DZIP1L: variants seen among roughly 807,000 people sequenced by gnomAD.
DZIP1L encodes cilium assembly protein DZIP1L.
In DZIP1L, 90 loss-of-function variants were observed where a neutral mutation model predicts 88.7. The observed-to-expected ratio is 1.02, with a 90% CI of 0.86 to 1.21. DZIP1L has a LOEUF of 1.21. Among genes scored for constraint, DZIP1L ranks in the 50% most tolerant of loss-of-function variants. The probability of loss-of-function intolerance (pLI) is 0.00; values close to 1 mark genes in which losing one functional copy is unlikely to be tolerated. For synonymous variants in DZIP1L, 363 were observed against 372.1 expected, an observed-to-expected ratio of 0.98 and a Z score of 0.28; for missense variants, 932 against 955.8, an observed-to-expected ratio of 0.98 and a Z score of 0.33.
rs934884553 is a variant in DZIP1L, at chr3:138,106,133, T to C, written c.-81-2081A>G. Among the ~76,000 whole-genome samples, 428 of 131,286 alleles carry C rather than the reference T, an allele frequency of 3.3e-3. 8 individuals are homozygous for C. Among genetic ancestry groups the C allele is most frequent in the African/African-American group, 0.011 (386 of 34,554 alleles). 86.1% of individuals were successfully genotyped at this position (131,286 alleles called of 152,430 possible). Reference sequence around the variant, plus strand: ...ACATGATTCAGTCTTCTTTCTTTTTTTTTTTTTTTTTTTTTTTTTTTTTGA... The same window carrying C: ...ACATGATTCAGTCTTCTTTCTTTTTCTTTTTTTTTTTTTTTTTTTTTTTGA... On this transcript the variant is annotated intron_variant, in intron 1 of 15. Transcript: ENST00000327532.
intron 10 of DZIP1L, among the ~76,000 whole-genome samples, chr3:138,078,801 C>G (rs1943522790): frequency 6.6e-6 from 1 of 152,240 alleles, no homozygotes; most frequent in Admixed American, 6.5e-5. Flanking sequence ...ATTGGAATCA[C>G]CTGCGGAGCT....
chr3:138,100,247 A>C (rs1280928344), intron 2 of DZIP1L, among the ~76,000 whole-genome samples: 1 of 152,162 alleles, frequency 6.6e-6, no homozygotes, highest in Non-Finnish European at 1.5e-5. Flanking sequence ...GGAATCTTAT[A>C]AAACCCCTAA....
intron 7 of DZIP1L, 37 bp from the exon 8 acceptor site, chr3:138,084,290 GCAGGGA>G (rs1248070441): frequency 6.2e-7 from 1 of 1,604,220 alleles, no homozygotes; most frequent in South Asian, 1.1e-5. Flanking sequence ...TCAAATGTCT[GCAGGGA>G]CATCTTAGTG....
intron 8 of DZIP1L, among the ~76,000 whole-genome samples, chr3:138,082,598 G>A (rs767403252): frequency 2.6e-5 from 4 of 152,210 alleles, no homozygotes; most frequent in South Asian, 4.1e-4. Context: ...CGTGAGCTCT[G>A]TGAGATGCTC....
intron 8 of DZIP1L, among the ~76,000 whole-genome samples, chr3:138,083,824 T>A (rs981201378): frequency 2.0e-5 from 3 of 152,170 alleles, no homozygotes; most frequent in African/African-American, 7.2e-5. Context: ...GAGGCTTAAA[T>A]GAGGTAATAA....
At position 138,086,978 on chromosome 3, in the gene DZIP1L, T is replaced by C. The variant is rs778588093; in HGVS notation, c.1045A>G (p.Met349Val). 28 of 1,613,980 alleles carry C rather than the reference T, an allele frequency of 1.7e-5. No homozygotes were observed. The East Asian group carries it at 2.0e-4, about 12-fold the overall frequency. ...RKVKELHEEH[M>V]AEKKELQEEN... ...AAAGCTACCTCTTTCTTCTCAGCCATGTGCTCTTCATGCAGTTCCTTCACT... is the reference window on the plus strand; with the variant it reads ...AAAGCTACCTCTTTCTTCTCAGCCACGTGCTCTTCATGCAGTTCCTTCACT... The change falls in exon 7 of 16, where the codon ATG becomes GTG. Residue 349 changes from methionine (M) to valine (V), a missense_variant. Met to Val is a conservative substitution (Grantham distance 21). Transcript: ENST00000327532.
chr3:138,071,154 G>A (rs1170827344), intron 12 of DZIP1L, among the ~76,000 whole-genome samples: 1 of 152,206 alleles, frequency 6.6e-6, no homozygotes, highest in Non-Finnish European at 1.5e-5. Context: ...CCAGAGCAGG[G>A]GCTATCTGAG....
In DZIP1L at chr3:138,094,944, A is replaced by C; in HGVS notation, c.626T>G (p.Leu209Ter). ...CTTTAGCTTGGCCCGTAGCTCTTCT[A>C]ACACCTCTTCCACTGGCTGTTCCTG... ...KKQEQPVEEV[L>*]EELRAKLKWT... is the part of the protein sequence containing the mutation. The change falls in exon 4 of 16, where the codon TTA becomes TGA. Residue 209 changes from leucine to a stop codon, truncating the protein, a stop_gained. Transcript: ENST00000327532. LOFTEE classifies it high-confidence loss of function. 1 of 1,614,120 alleles carries C rather than the reference A, an allele frequency of 6.2e-7. No individual in the cohort carries two copies. The highest frequency in any genetic ancestry group is 8.5e-7 in the Non-Finnish European group (1 of 1,179,952).
chr3:138,103,869 A>G lies in DZIP1L; in HGVS notation c.103T>C (p.Trp35Arg). 6.2e-7 allele frequency: 1 copy of G among 1,614,100 alleles called. No individual in the cohort carries two copies. Among genetic ancestry groups the G allele is most frequent in the Non-Finnish European group, 8.5e-7 (1 of 1,180,038 alleles). ...ACATCCAGGGTGCTAATGCGTCTCCAGTCCATGCTATCATGGCGAGGCTGA... is the reference window on the plus strand; with the variant it reads ...ACATCCAGGGTGCTAATGCGTCTCCGGTCCATGCTATCATGGCGAGGCTGA... ...KFQPRHDSMDWRRISTLDVDR... is the reference protein window; with the variant it reads ...KFQPRHDSMDRRRISTLDVDR... Residue 35 changes from tryptophan (W) to arginine (R), a missense_variant, in exon 2 of 16, where the codon TGG becomes CGG. Transcript: ENST00000327532.
rs1467717302 is a variant in DZIP1L at position 138,063,349 on chromosome 3, GC to G, written c.2143-373del. On this transcript the variant is annotated intron_variant, in intron 15 of 15. Coordinates refer to ENST00000327532, the MANE Select transcript of DZIP1L (RefSeq NM_173543.3). This position sits in a 1 kb window ranked among gnomAD's most constrained non-coding sequence, Gnocchi z 4.1. ...AAACTCGACTGTTCCAAGTTCGCGAGCTGAATGCACTGTGGGCTAATGACCC... is the reference window on the plus strand; with the variant it reads ...AAACTCGACTGTTCCAAGTTCGCGAGTGAATGCACTGTGGGCTAATGACCC... Among the ~76,000 whole-genome samples the G allele has an allele frequency of 2.6e-5, 4 of 152,216 alleles. No individual in the cohort carries two copies. The highest frequency in any genetic ancestry group is 5.9e-5 in the Non-Finnish European group (4 of 68,044).
rs1553735420 is a variant in DZIP1L at position 138,101,225 on chromosome 3, A to AC, written c.501+2245_501+2246insG. On this transcript the variant is annotated intron_variant, in intron 2 of 15. Coordinates refer to ENST00000327532, the MANE Select transcript of DZIP1L (RefSeq NM_173543.3). ...ATTCATTCACACACACACAAACACT[A>AC]TTTTTTTTTTTTGGCAGAGATAGCT... is the stretch of plus-strand genomic sequence containing the variant. Among the ~76,000 whole-genome samples the AC allele has an allele frequency of 2.8e-5, 4 of 144,922 alleles. No individual in the cohort carries two copies. In the East Asian group the frequency reaches 8.1e-4, roughly 29 times the overall value.
chr3:138,106,232 G>A (rs774429320), intron 1 of DZIP1L, among the ~76,000 whole-genome samples: 2 of 142,262 alleles, frequency 1.4e-5, no homozygotes, highest in East Asian at 4.3e-4. Context: ...TCCACCTCCC[G>A]GGTTCATGCA....
Position 138,077,534 on chromosome 3 carries a change from G to A in DZIP1L, c.1387C>T (p.Leu463=), listed in dbSNP as rs141311588. ...KHFRPILEDT[L]EEKLESMGIR... Reference sequence around the variant, plus strand: ...CCCATGCTTTCGAGCTTCTCTTCCAGGGTGTCCTCCAGGATTGGTCTGAAG... The same window carrying A: ...CCCATGCTTTCGAGCTTCTCTTCCAAGGTGTCCTCCAGGATTGGTCTGAAG... Residue 463 remains leucine (L), a synonymous_variant, in exon 11 of 16, where the codon CTG becomes TTG. Coordinates refer to ENST00000327532, the MANE Select transcript of DZIP1L (RefSeq NM_173543.3). 212 of 1,614,170 alleles carry A rather than the reference G, an allele frequency of 1.3e-4. No homozygotes were observed. The African/African-American group carries it at 2.0e-3, about 16-fold the overall frequency.
intron 8 of DZIP1L, among the ~76,000 whole-genome samples, chr3:138,083,276 A>G (rs948359948): frequency 1.3e-5 from 2 of 152,194 alleles, no homozygotes; most frequent in Non-Finnish European, 2.9e-5. Flanking sequence ...TGGGGTAGTT[A>G]TGTCACCTGG....
At chr3:138,069,749 A>G (rs1943090732) in intron 12 of DZIP1L, among the ~76,000 whole-genome samples, 1 of 152,174 alleles carries the variant, frequency 6.6e-6, no homozygotes, top group Non-Finnish European at 1.5e-5. Context: ...TGTCTGCCCT[A>G]ATCTTGGGCC....
chr3:138,095,502 C>T (rs898269670), intron 3 of DZIP1L, among the ~76,000 whole-genome samples: 3 of 152,006 alleles, frequency 2.0e-5, no homozygotes, highest in East Asian at 1.9e-4. Context: ...AATTTCAGGC[C>T]GGGCGCAGTG....
At chr3:138,092,680 G>T in intron 4 of DZIP1L, 136 bp from the exon 5 acceptor site, 1 of 858,478 alleles carries the variant, frequency 1.2e-6, no homozygotes, top group Non-Finnish European at 1.6e-6. Flanking sequence ...AGTTCCCATT[G>T]TTTGGACTTG....
intron 2 of DZIP1L, chr3:138,101,423 C>T: frequency 1.4e-6 from 1 of 713,654 alleles, no homozygotes; most frequent in South Asian, 1.6e-5. Flanking sequence ...GCCTCCCCCG[C>T]TGGGCTCTGG....
chr3:138,086,859 G>T, intron 7 of DZIP1L, 102 bp downstream of exon 7: 1 of 1,234,990 alleles, frequency 8.1e-7, no homozygotes, highest in Non-Finnish European at 1.2e-6. Context: ...CCAGTTCCAG[G>T]TGAGATAGGG....
Sources: allele counts gnomAD v4.1 joint callset (sites outside exome capture counted in the v4.1 genomes callset), GRCh38; gene constraint gnomAD v4.1.1; non-coding constraint Gnocchi (gnomAD v3.1); transcripts MANE v1.5; gene names NCBI Gene and HGNC (gene_info 2026-07-23, HGNC 2026-07-21).